CRTAC1: variants seen among roughly 807,000 people sequenced by gnomAD.
CRTAC1 encodes cartilage acidic protein 1.
In CRTAC1, 37 loss-of-function variants were observed where a neutral mutation model predicts 67.8. The observed-to-expected ratio is 0.55, with a 90% CI of 0.42 to 0.72. CRTAC1 has a LOEUF of 0.72. CRTAC1 is among the 30% of genes least tolerant of loss of function. The pLI, the probability that CRTAC1 is intolerant of heterozygous loss-of-function variation, is 0.00. For missense variants in CRTAC1, 780 were observed against 931.6 expected, an observed-to-expected ratio of 0.84 and a Z score of 2.12; for synonymous variants, 348 against 371.0, an observed-to-expected ratio of 0.94 and a Z score of 0.71.
At chr10:97,971,499 C>T (rs968685525) in intron 2 of CRTAC1, among the ~76,000 whole-genome samples, 2 of 152,030 alleles carry the variant, frequency 1.3e-5, no homozygotes, top group Admixed American at 6.6e-5. Flanking sequence ...CAGGGGCCGG[C>T]GCGAGGAGAG....
chr10:97,992,378 C>T (rs774539410), intron 2 of CRTAC1, among the ~76,000 whole-genome samples: 7 of 152,136 alleles, frequency 4.6e-5, no homozygotes, highest in Admixed American at 2.0e-4. Flanking sequence ...TATGGAAAAC[C>T]GTATGGAAGT....
At chr10:97,925,190 G>C (rs888341256) in intron 3 of CRTAC1, among the ~76,000 whole-genome samples, 1 of 152,218 alleles carries the variant, frequency 6.6e-6, no homozygotes, top group African/African-American at 2.4e-5. Context: ...AGGCTCACCT[G>C]AGCCCAGGAG....
chr10:97,968,501 G>C (rs1337740693), intron 2 of CRTAC1, among the ~76,000 whole-genome samples: 1 of 152,158 alleles, frequency 6.6e-6, no homozygotes, highest in African/African-American at 2.4e-5. Context: ...GCCTCCCAAA[G>C]TGCTGGGATT....
chr10:97,914,602 C>T (rs1458789852), intron 5 of CRTAC1, among the ~76,000 whole-genome samples: 2 of 152,188 alleles, frequency 1.3e-5, no homozygotes, highest in Admixed American at 1.3e-4. Context: ...GTTCAATGTC[C>T]TCAGAAAAGC....
intron 14 of CRTAC1, among the ~76,000 whole-genome samples, chr10:97,877,705 A>T (rs1355151745): frequency 2.0e-5 from 3 of 152,190 alleles, no homozygotes; most frequent in Non-Finnish European, 4.4e-5. Flanking sequence ...TGCTCTTATC[A>T]GCTGTGGGAA....
chr10:97,901,422 T>G, intron 8 of CRTAC1, 81 bp downstream of exon 8: 1 of 1,578,120 alleles, frequency 6.3e-7, no homozygotes, highest in Non-Finnish European at 8.7e-7. Context: ...CCTCCCCTTC[T>G]GATTCTTAAA....
chr10:97,931,892 A>G (rs2051009110), intron 3 of CRTAC1, among the ~76,000 whole-genome samples: 1 of 152,134 alleles, frequency 6.6e-6, no homozygotes, highest in Non-Finnish European at 1.5e-5. Context: ...CTGGATGTGG[A>G]GGGAGGTGTC....
Position 97,895,180 on chromosome 10 carries a change from G to C in CRTAC1, c.1486+65C>G, listed in dbSNP as rs12266847. On this transcript the variant is annotated intron_variant, in intron 11 of 14. Transcript: ENST00000370597. The surrounding 1 kb of genome is among the most constrained non-coding windows in gnomAD (Gnocchi z 4.2). ...AGCGGTGCCCAAGGATGCTCGGGCTGTGAGTCCCTGAATCAGTCAGCATCC... is the reference window on the plus strand; with the variant it reads ...AGCGGTGCCCAAGGATGCTCGGGCTCTGAGTCCCTGAATCAGTCAGCATCC... 757 of 1,523,514 alleles carry C rather than the reference G, an allele frequency of 5.0e-4. 7 individuals carry two copies. The African/African-American group carries it at 9.2e-3, about 18-fold the overall frequency. 94.4% of individuals were successfully genotyped at this position (1,523,514 alleles called of 1,614,324 possible).
intron 13 of CRTAC1, 105 bp from the exon 14 acceptor site, chr10:97,880,497 C>T (rs911620000): frequency 7.6e-5 from 108 of 1,413,736 alleles, no homozygotes; most frequent in East Asian, 3.5e-4. Flanking sequence ...GTGCCTTCCT[C>T]GCAGAGCCTC....
chr10:98,018,320 A>T (rs1366483720), intron 1 of CRTAC1, among the ~76,000 whole-genome samples: 1 of 148,398 alleles, frequency 6.7e-6, no homozygotes, highest in African/African-American at 2.5e-5. Context: ...CCTTGGGCCT[A>T]TTCCTTGATC....
chr10:98,016,631 C>T (rs1843004104), intron 1 of CRTAC1, among the ~76,000 whole-genome samples: 1 of 152,122 alleles, frequency 6.6e-6, no homozygotes, highest in Admixed American at 6.5e-5. Context: ...TATGCCACCA[C>T]CCAGGTCCCT....
At chr10:97,878,412 A>G in intron 14 of CRTAC1, 1 of 222,926 alleles carries the variant, frequency 4.5e-6, no homozygotes, top group Non-Finnish European at 8.9e-6. Context: ...TTTGTGATTT[A>G]TTAGGAGTAT....
At chr10:97,953,132 T>C (rs946392886) in intron 2 of CRTAC1, among the ~76,000 whole-genome samples, 2 of 152,140 alleles carry the variant, frequency 1.3e-5, no homozygotes, top group East Asian at 1.9e-4. Context: ...GCACCCACCA[T>C]GCCTTCCAAG....
chr10:97,912,770 C>T (rs957852674), intron 5 of CRTAC1, among the ~76,000 whole-genome samples: 5 of 152,168 alleles, frequency 3.3e-5, no homozygotes, highest in African/African-American at 1.2e-4. Context: ...TTCAGGATCA[C>T]GGGAAGCATG....
At chr10:98,008,685 A>G (rs1842847017) in intron 2 of CRTAC1, among the ~76,000 whole-genome samples, 1 of 152,146 alleles carries the variant, frequency 6.6e-6, no homozygotes, top group Non-Finnish European at 1.5e-5. Context: ...GGGTGAAGAC[A>G]CTTTCTGTTC....
chr10:97,987,864 G>A (rs528904873), intron 2 of CRTAC1, among the ~76,000 whole-genome samples: 1 of 152,236 alleles, frequency 6.6e-6, no homozygotes, highest in South Asian at 2.1e-4. Context: ...GACCCCCTTT[G>A]CATTTGAAGA....
intron 2 of CRTAC1, among the ~76,000 whole-genome samples, chr10:98,006,010 G>A (rs1477950929): frequency 6.6e-6 from 1 of 152,182 alleles, no homozygotes; most frequent in Non-Finnish European, 1.5e-5. Context: ...AATAATCTTT[G>A]GGTAGAAAAA....
chr10:97,882,052 A>G (rs941889648), intron 13 of CRTAC1, among the ~76,000 whole-genome samples: 6 of 152,144 alleles, frequency 3.9e-5, no homozygotes, highest in African/African-American at 1.4e-4. Context: ...TGAGAGTGGT[A>G]TCTGTCTTGT....
intron 9 of CRTAC1, 80 bp from the exon 10 acceptor site, chr10:97,896,065 T>A: frequency 7.9e-7 from 1 of 1,272,178 alleles, no homozygotes; most frequent in Non-Finnish European, 1.1e-6. Flanking sequence ...AAGTGCAGTA[T>A]CCACAGCCCT....
Sources: allele counts gnomAD v4.1 joint callset (sites outside exome capture counted in the v4.1 genomes callset), GRCh38; gene constraint gnomAD v4.1.1; non-coding constraint Gnocchi (gnomAD v3.1); transcripts MANE v1.5; gene names NCBI Gene and HGNC (gene_info 2026-07-23, HGNC 2026-07-21).